The following SLC35F4 variants were observed in gnomAD, a reference collection of about 807,000 sequenced individuals.
SLC35F4 encodes chromosome 14 open reading frame 36.
A neutral mutation model predicts 44.2 loss-of-function variants in SLC35F4; 24 were observed. The ratio of observed to expected loss-of-function variants is 0.54; its 90% CI spans 0.39 to 0.76. The LOEUF (loss-of-function observed/expected upper bound fraction) is 0.76. SLC35F4 is among the 30% of genes least tolerant of loss of function. The pLI, the probability that SLC35F4 is intolerant of heterozygous loss-of-function variation, is 0.00. For missense variants in SLC35F4, 562 were observed against 586.1 expected (o/e 0.96, Z 0.42); for synonymous variants, 238 against 223.6 (o/e 1.06, Z -0.57).
chr14:57,724,576 G>T (rs2076158643), intron 1 of SLC35F4, among the ~76,000 whole-genome samples: 3 of 152,094 alleles, frequency 2.0e-5, no homozygotes. Flanking sequence ...GCTCAAGCAG[G>T]TCCTGAAGGC....
At chr14:57,603,745 C>G (rs763494683) in intron 1 of SLC35F4, among the ~76,000 whole-genome samples, 1 of 152,192 alleles carries the variant, frequency 6.6e-6, no homozygotes, top group Non-Finnish European at 1.5e-5. Flanking sequence ...CCTCCCAAAG[C>G]CAGTCAGTAA....
At position 57,849,469 on chromosome 14, in the gene SLC35F4, A is replaced by T. The variant is rs959370391; in HGVS notation, c.103+16254T>A. Among the ~76,000 whole-genome samples, 11 of 151,902 alleles carry T rather than the reference A, an allele frequency of 7.2e-5. No individual in the cohort carries two copies. The East Asian group carries it at 9.7e-4, about 13-fold the overall frequency. ...GAGCCACCAAGCCCAGCCCACAAAA[A>T]TTTTTTTTTAAATTTTAAAACAACT... On this transcript the variant is annotated intron_variant, in intron 1 of 7. Coordinates refer to ENST00000556826, the MANE Select transcript of SLC35F4 (RefSeq NM_001306087.2).
At chr14:57,941,023 T>C (rs529889737) in intron 1 of SLC35F4, among the ~76,000 whole-genome samples, 1 of 152,302 alleles carries the variant, frequency 6.6e-6, no homozygotes, top group African/African-American at 2.4e-5. Flanking sequence ...TAATCCAAAA[T>C]GTGGAAAATA....
At chr14:57,932,064 G>T (rs1889707537) in intron 1 of SLC35F4, among the ~76,000 whole-genome samples, 2 of 152,176 alleles carry the variant, frequency 1.3e-5, no homozygotes, top group South Asian at 4.1e-4. Context: ...TGCTGACTTT[G>T]TTAGAAAATT....
upstream of SLC35F4, among the ~76,000 whole-genome samples, chr14:57,869,206 T>C (rs76506608): frequency 0.067 from 10,050 of 150,898 alleles, 1,115 homozygotes; most frequent in African/African-American, 0.23. Context: ...GGTTTTTTTT[T>C]TTTTTAAAAA....
At chr14:57,836,692 T>G (rs1440047930) in intron 1 of SLC35F4, among the ~76,000 whole-genome samples, 1 of 152,114 alleles carries the variant, frequency 6.6e-6, no homozygotes, top group Admixed American at 6.6e-5. Flanking sequence ...ACAGCAAATA[T>G]CAGCCCATGA....
intron 1 of SLC35F4, among the ~76,000 whole-genome samples, chr14:57,666,663 A>T (rs1225869684): frequency 6.6e-6 from 1 of 152,138 alleles, no homozygotes; most frequent in Non-Finnish European, 1.5e-5. Context: ...GGCAATAGAA[A>T]ACTGATACAT....
intron 1 of SLC35F4, among the ~76,000 whole-genome samples, chr14:57,723,546 C>T (rs2076135126): frequency 6.6e-6 from 1 of 152,216 alleles, no homozygotes; most frequent in Non-Finnish European, 1.5e-5. Flanking sequence ...ACTCCAATTG[C>T]AGCTGCTGTA....
intron 1 of SLC35F4, among the ~76,000 whole-genome samples, chr14:57,741,463 T>C (rs2076606069): frequency 6.6e-6 from 1 of 152,030 alleles, no homozygotes; most frequent in Non-Finnish European, 1.5e-5. Context: ...CAATAGCCAA[T>C]TCGATCAAGT....
At chr14:57,887,997 G>A (rs186621959) in intron 1 of SLC35F4, among the ~76,000 whole-genome samples, 59 of 152,254 alleles carry the variant, frequency 3.9e-4, no homozygotes, top group African/African-American at 1.4e-3. Flanking sequence ...CAGATTTATT[G>A]GACCCAGGAG....
chr14:57,673,050 C>A (rs1428321820), intron 1 of SLC35F4, among the ~76,000 whole-genome samples: 2 of 151,986 alleles, frequency 1.3e-5, no homozygotes, highest in African/African-American at 4.8e-5. Flanking sequence ...TCTGAGCCAG[C>A]AATTTATTGC....
intron 1 of SLC35F4, among the ~76,000 whole-genome samples, chr14:57,861,031 A>C (rs1400640063): frequency 6.6e-6 from 1 of 152,220 alleles, no homozygotes; most frequent in Non-Finnish European, 1.5e-5. Context: ...TGAATGAGCC[A>C]ACCTACTGGC....
chr14:57,819,176 C>A (rs1882910985), intron 1 of SLC35F4, among the ~76,000 whole-genome samples: 1 of 151,952 alleles, frequency 6.6e-6, no homozygotes, highest in Non-Finnish European at 1.5e-5. Context: ...GAAGATTGAC[C>A]AAGTTGTGAA....
At chr14:57,610,074 G>A (rs1330146422) in intron 1 of SLC35F4, among the ~76,000 whole-genome samples, 1 of 152,212 alleles carries the variant, frequency 6.6e-6, no homozygotes, top group East Asian at 1.9e-4. Context: ...GTTTTGGCTA[G>A]AGGAGTTTTG....
chr14:57,874,121 C>T (rs1888347662), intron 1 of SLC35F4, among the ~76,000 whole-genome samples: 1 of 152,180 alleles, frequency 6.6e-6, no homozygotes, highest in Admixed American at 6.5e-5. Context: ...CATGCTTGGA[C>T]AGTCCCTACA....
intron 1 of SLC35F4, among the ~76,000 whole-genome samples, chr14:57,728,437 CTTTCTTTTTTTTTTTT>C (rs2076261711): frequency 1.0e-5 from 1 of 97,588 alleles, no homozygotes; most frequent in African/African-American, 3.9e-5. Context: ...TTTTTTCTTT[CTTTCTTTTTTTTTTTT>C]TTTTTTTTTT....
At chr14:57,886,292 A>G (rs1327993819) in intron 1 of SLC35F4, among the ~76,000 whole-genome samples, 1 of 152,186 alleles carries the variant, frequency 6.6e-6, no homozygotes, top group Non-Finnish European at 1.5e-5. Context: ...TCCTCTGTTT[A>G]GGTCTCACAG....
intron 1 of SLC35F4, among the ~76,000 whole-genome samples, chr14:57,848,177 A>G (rs1006280508): frequency 3.3e-5 from 5 of 152,212 alleles, no homozygotes; most frequent in Admixed American, 2.6e-4. Flanking sequence ...ACTGCTATAA[A>G]TAAGGCTAAA....
At chr14:57,749,571 C>A (rs945472419) in intron 1 of SLC35F4, among the ~76,000 whole-genome samples, 1 of 152,050 alleles carries the variant, frequency 6.6e-6, no homozygotes, top group African/African-American at 2.4e-5. Flanking sequence ...AAGCACTAGG[C>A]TTTGCAGTTG....
Sources: gnomAD v4.1 joint callset for allele counts (sites outside exome capture counted in the v4.1 genomes callset) on GRCh38, gnomAD v4.1.1 for gene constraint, MANE v1.5 for transcripts, NCBI Gene and HGNC (gene_info 2026-07-23, HGNC 2026-07-21) for gene names.